Variants in RAB38 observed in about 807,000 individuals in gnomAD.
RAB38 encodes the protein ras-related protein Rab-38.
In RAB38, 15 loss-of-function variants were observed where a neutral mutation model predicts 18.4. The ratio of observed to expected loss-of-function variants is 0.82; its 90% CI spans 0.55 to 1.26. The LOEUF (loss-of-function observed/expected upper bound fraction) is 1.26. Among genes scored for constraint, RAB38 ranks in the 50% most tolerant of loss-of-function variants. The probability of loss-of-function intolerance (pLI) is 0.00; values close to 1 mark genes in which losing one functional copy is unlikely to be tolerated. For synonymous variants in RAB38, 101 were observed against 104.4 expected, an observed-to-expected ratio of 0.97 and a Z score of 0.20; for missense variants, 294 against 267.4, an observed-to-expected ratio of 1.10 and a Z score of -0.69.
the RAB38 span, among the ~76,000 whole-genome samples, chr11:88,057,332 C>T: frequency 6.6e-6 from 1 of 152,098 alleles, no homozygotes; most frequent in Non-Finnish European, 1.5e-5. Flanking sequence ...CCTGAATAGT[C>T]CTAATACATG....
At chr11:88,053,513 C>A in the RAB38 span, among the ~76,000 whole-genome samples, 5 of 148,582 alleles carry the variant, frequency 3.4e-5, no homozygotes, top group East Asian at 9.8e-4. Context: ...TATTCCATGC[C>A]TTCTGTTCAT....
At chr11:88,165,405 C>A (rs1461645522) in intron 1 of RAB38, among the ~76,000 whole-genome samples, 3 of 152,034 alleles carry the variant, frequency 2.0e-5, no homozygotes, top group Non-Finnish European at 4.4e-5. Flanking sequence ...ATCAGATAAG[C>A]TCATTATGAG....
intron 2 of RAB38, among the ~76,000 whole-genome samples, chr11:88,119,376 T>C (rs1942600477): frequency 6.6e-6 from 1 of 152,182 alleles, no homozygotes; most frequent in Non-Finnish European, 1.5e-5. Flanking sequence ...ATAAAGTTGT[T>C]CATAATTTTT....
At chr11:87,891,752 A>G in the RAB38 span, among the ~76,000 whole-genome samples, 2 of 151,920 alleles carry the variant, frequency 1.3e-5, no homozygotes, top group African/African-American at 2.4e-5. Flanking sequence ...GTAGAACACT[A>G]TAGATAGGCC....
the RAB38 span, among the ~76,000 whole-genome samples, chr11:87,964,461 G>A: frequency 6.6e-6 from 1 of 152,076 alleles, no homozygotes; most frequent in African/African-American, 2.4e-5. Context: ...TGCCCCTGTT[G>A]ACTGGCCAGA....
chr11:88,070,852 G>A, the RAB38 span, among the ~76,000 whole-genome samples: 1 of 152,240 alleles, frequency 6.6e-6, no homozygotes, highest in East Asian at 1.9e-4. Flanking sequence ...ATTACAAAGA[G>A]CGATAAGCTC....
At chr11:87,810,468 C>T in the RAB38 span, among the ~76,000 whole-genome samples, 2 of 152,262 alleles carry the variant, frequency 1.3e-5, no homozygotes, top group Middle Eastern at 3.4e-3. Flanking sequence ...CGAGATTCAT[C>T]TATGTTGTAT....
chr11:87,830,174 G>T, the RAB38 span, among the ~76,000 whole-genome samples: 1 of 152,070 alleles, frequency 6.6e-6, no homozygotes. Flanking sequence ...GTGCAGGATG[G>T]TGGTAGAAAT....
chr11:88,054,205 C>A, the RAB38 span, among the ~76,000 whole-genome samples: 2 of 152,142 alleles, frequency 1.3e-5, no homozygotes, highest in African/African-American at 4.8e-5. Flanking sequence ...ATTTTTCTTG[C>A]ATGTAGAGTA....
the RAB38 span, among the ~76,000 whole-genome samples, chr11:88,017,872 G>A: frequency 6.6e-6 from 1 of 151,782 alleles, no homozygotes; most frequent in Admixed American, 6.6e-5. Flanking sequence ...CTTGTGGGAG[G>A]GACCTGGTAG....
At chr11:87,857,853 A>G in the RAB38 span, among the ~76,000 whole-genome samples, 1 of 152,068 alleles carries the variant, frequency 6.6e-6, no homozygotes. Context: ...GCTGTGCAGA[A>G]GCTCTTTAGT....
the RAB38 span, among the ~76,000 whole-genome samples, chr11:87,875,269 C>T: frequency 1.3e-5 from 2 of 151,098 alleles, no homozygotes; most frequent in Non-Finnish European, 3.0e-5. Context: ...ATATATAAAA[C>T]ATTATATTGC....
chr11:87,908,954 T>C, the RAB38 span, among the ~76,000 whole-genome samples: 46,366 of 151,834 alleles, frequency 0.31, 8,969 homozygotes, highest in African/African-American at 0.56. Flanking sequence ...GCATCAAAAA[T>C]AGTCACAACT....
At chr11:87,874,661 T>C in the RAB38 span, among the ~76,000 whole-genome samples, 1 of 149,214 alleles carries the variant, frequency 6.7e-6, no homozygotes, top group Non-Finnish European at 1.5e-5. Context: ...AATATATATA[T>C]AAAATAATAA....
the RAB38 span, among the ~76,000 whole-genome samples, chr11:87,977,931 C>A: frequency 1 from 95,226 of 95,330 alleles, 47,561 homozygotes; most frequent in Middle Eastern, 1. Context: ...GTAGTGACAC[C>A]TTTATATAAT....
the RAB38 span, among the ~76,000 whole-genome samples, chr11:87,962,787 T>C: frequency 6.6e-6 from 1 of 152,138 alleles, no homozygotes; most frequent in Non-Finnish European, 1.5e-5. Context: ...TATTTCAAAA[T>C]TGCTAAGAGT....
At chr11:87,868,012 T>G in the RAB38 span, among the ~76,000 whole-genome samples, 2 of 151,764 alleles carry the variant, frequency 1.3e-5, no homozygotes, top group East Asian at 1.9e-4. Context: ...ACAGTTGATA[T>G]GTCAAGATTG....
the RAB38 span, among the ~76,000 whole-genome samples, chr11:87,888,645 A>G: frequency 0.85 from 129,861 of 151,900 alleles, 55,759 homozygotes; most frequent in Non-Finnish European, 0.89. Context: ...GAACAAGGGG[A>G]TTAGAAGGGA....
the RAB38 span, among the ~76,000 whole-genome samples, chr11:88,065,128 A>G: frequency 6.6e-6 from 1 of 152,220 alleles, no homozygotes. Context: ...TCACAGATCC[A>G]AATATGAAGG....
Sources: allele counts gnomAD v4.1 joint callset (sites outside exome capture counted in the v4.1 genomes callset), GRCh38; gene constraint gnomAD v4.1.1; transcripts MANE v1.5; gene names NCBI Gene and HGNC (gene_info 2026-07-23, HGNC 2026-07-21).